SDK1: variants seen among roughly 807,000 people sequenced by gnomAD.
SDK1 encodes the protein protein sidekick-1.
SDK1 carries 157 observed loss-of-function variants against 245.5 expected under a neutral mutation model. The observed-to-expected ratio is 0.64, with a 90% confidence interval of 0.56 to 0.73. SDK1 has a LOEUF of 0.73. Ranked by LOEUF, SDK1 falls within the 30% of genes least tolerant of loss-of-function variation. SDK1 has a pLI of 0.00. For synonymous variants in SDK1, 1,647 were observed against 1,278.5 expected, an observed-to-expected ratio of 1.29 and a Z score of -6.15; for missense variants, 3,583 against 3,002.3, an observed-to-expected ratio of 1.19 and a Z score of -4.52.
At position 3,547,663 on chromosome 7, in the gene SDK1, T is replaced by C. The variant is rs145136789; in HGVS notation, c.299-71417T>C. On this transcript the variant is annotated intron_variant, in intron 1 of 44. Coordinates refer to ENST00000404826, the MANE Select transcript of SDK1 (RefSeq NM_152744.4). ...TCCATGATACTACCCTGGCCCTTCA[T>C]CTTGACTGACTCTGTAGATCACTGT... is the stretch of plus-strand genomic sequence containing the variant. Among the ~76,000 whole-genome samples, 73 of 152,336 alleles carry C rather than the reference T, an allele frequency of 4.8e-4. No individual in the cohort carries two copies. The East Asian group carries it at 0.011, about 24-fold the overall frequency.
chr7:3,711,177 C>G (rs1395324310), intron 4 of SDK1, among the ~76,000 whole-genome samples: 1 of 152,210 alleles, frequency 6.6e-6, no homozygotes, highest in Non-Finnish European at 1.5e-5. Context: ...TTTGACTTTT[C>G]TAAACCACAT....
In SDK1 at chr7:4,026,818, G is replaced by A. The variant is rs1583868950; in HGVS notation, c.2602+9466G>A. On this transcript the variant is annotated intron_variant, in intron 17 of 44. Transcript: ENST00000404826. The surrounding 1 kb of genome is among the most constrained non-coding windows in gnomAD (Gnocchi z 4.1). The stretch of plus-strand genomic sequence containing the variant: ...CAATCTGGAATTAACGATAACACCC[G>A]GCACACAAACGGCAATATGTACACC... Among the ~76,000 whole-genome samples the A allele has an allele frequency of 1.3e-5, 2 of 152,152 alleles. No homozygotes were observed. The highest frequency in any genetic ancestry group is 1.3e-4 in the Admixed American group (2 of 15,266).
chr7:3,565,711 T>G (rs1316541320), intron 1 of SDK1, among the ~76,000 whole-genome samples: 2 of 152,222 alleles, frequency 1.3e-5, no homozygotes, highest in Non-Finnish European at 2.9e-5. Context: ...CCTGTGCGTA[T>G]TCTCCTGTGT....
intron 1 of SDK1, among the ~76,000 whole-genome samples, chr7:3,333,415 A>G (rs914148462): frequency 3.3e-5 from 5 of 152,102 alleles, no homozygotes; most frequent in Non-Finnish European, 2.9e-5. Flanking sequence ...AATGAGGTCA[A>G]AGAGGTTTCT....
At chr7:4,196,848 G>T (rs559567385) in intron 35 of SDK1, among the ~76,000 whole-genome samples, 2 of 152,200 alleles carry the variant, frequency 1.3e-5, no homozygotes, top group African/African-American at 4.8e-5. Context: ...GGATTTATCT[G>T]ATGGATGTTG....
At chr7:3,552,559 T>TATTTTC (rs1403333724) in intron 1 of SDK1, among the ~76,000 whole-genome samples, 1 of 152,224 alleles carries the variant, frequency 6.6e-6, no homozygotes, top group Non-Finnish European at 1.5e-5. Flanking sequence ...TGGAAATAAT[T>TATTTTC]ATTTTCATTT....
chr7:3,854,146 A>G (rs1780483657), intron 5 of SDK1, among the ~76,000 whole-genome samples: 1 of 152,186 alleles, frequency 6.6e-6, no homozygotes, highest in South Asian at 2.1e-4. Flanking sequence ...AGGATATTAT[A>G]GATCTTACTT....
At chr7:3,365,815 C>CA (rs767534060) in intron 1 of SDK1, among the ~76,000 whole-genome samples, 68,208 of 151,888 alleles carry the variant, frequency 0.45, 17,103 homozygotes, top group East Asian at 0.61. Flanking sequence ...GGTGTATCAC[C>CA]TGAGGTCAGT....
intron 1 of SDK1, among the ~76,000 whole-genome samples, chr7:3,569,652 C>G (rs1780045735): frequency 6.6e-6 from 1 of 152,208 alleles, no homozygotes; most frequent in African/African-American, 2.4e-5. Flanking sequence ...CTCACAAGAG[C>G]AGACCCTCAG....
chr7:4,047,812 A>T (rs1789129400), intron 17 of SDK1, among the ~76,000 whole-genome samples: 1 of 152,150 alleles, frequency 6.6e-6, no homozygotes, highest in Admixed American at 6.5e-5. Flanking sequence ...GCTCAGGAAA[A>T]GTGATTGTTT....
intron 38 of SDK1, among the ~76,000 whole-genome samples, chr7:4,217,054 C>CG (rs1784843833): frequency 9.3e-5 from 2 of 21,548 alleles, no homozygotes; most frequent in African/African-American, 2.2e-4. Flanking sequence ...CGGAGCACCA[C>CG]ACCACCCGGA....
At chr7:4,075,930 G>A (rs1257308722) in intron 20 of SDK1, among the ~76,000 whole-genome samples, 4 of 152,152 alleles carry the variant, frequency 2.6e-5, no homozygotes, top group Admixed American at 6.5e-5. Flanking sequence ...TGGGATTACA[G>A]GTGTGAGCCA....
intron 1 of SDK1, among the ~76,000 whole-genome samples, chr7:3,374,550 A>G (rs981213351): frequency 6.6e-6 from 1 of 152,064 alleles, no homozygotes; most frequent in East Asian, 1.9e-4. Flanking sequence ...TCCTTTGGCC[A>G]CTATACAGGT....
intron 5 of SDK1, among the ~76,000 whole-genome samples, chr7:3,842,520 A>G (rs1193099788): frequency 6.6e-6 from 1 of 152,118 alleles, no homozygotes; most frequent in Non-Finnish European, 1.5e-5. Context: ...GCCAGTGACC[A>G]CGAGGTGCCT....
intron 14 of SDK1, among the ~76,000 whole-genome samples, chr7:3,993,191 G>A (rs1784470749): frequency 6.6e-6 from 1 of 152,014 alleles, no homozygotes; most frequent in Admixed American, 6.6e-5. Context: ...TGCAACAGTT[G>A]CCACCAGTTT....
intron 1 of SDK1, among the ~76,000 whole-genome samples, chr7:3,422,641 C>T (rs1779563574): frequency 6.6e-6 from 1 of 152,086 alleles, no homozygotes; most frequent in Non-Finnish European, 1.5e-5. Context: ...ACCCAGAAAA[C>T]ATCAAATTAT....
intron 3 of SDK1, among the ~76,000 whole-genome samples, chr7:3,639,815 CAT>C (rs940536431): frequency 5.3e-5 from 8 of 151,526 alleles, no homozygotes; most frequent in South Asian, 2.1e-4. Context: ...AGAGACATAA[CAT>C]ATATAATTAT....
chr7:3,715,199 C>T (rs913292270), intron 4 of SDK1, among the ~76,000 whole-genome samples: 9 of 151,968 alleles, frequency 5.9e-5, no homozygotes, highest in East Asian at 1.9e-4. Flanking sequence ...TATACTAGAT[C>T]GTCATAAATT....
chr7:3,469,221 G>A (rs1583904526), intron 1 of SDK1, among the ~76,000 whole-genome samples: 1 of 152,212 alleles, frequency 6.6e-6, no homozygotes, highest in East Asian at 1.9e-4. Flanking sequence ...CCAGAAGTTC[G>A]AGACCAGCCT....
Sources: allele counts gnomAD v4.1 joint callset (sites outside exome capture counted in the v4.1 genomes callset), GRCh38; gene constraint gnomAD v4.1.1; non-coding constraint Gnocchi (gnomAD v3.1); transcripts MANE v1.5; gene names NCBI Gene and HGNC (gene_info 2026-07-23, HGNC 2026-07-21).